CCDC27: variants seen among roughly 807,000 people sequenced by gnomAD.
CCDC27 encodes coiled-coil domain-containing protein 27.
In CCDC27, 80 loss-of-function variants were observed where a neutral mutation model predicts 80.3. The observed-to-expected ratio is 1.00, with a 90% CI of 0.83 to 1.20. The LOEUF (loss-of-function observed/expected upper bound fraction) is 1.20. CCDC27 is among the 50% of genes most tolerant of loss of function. CCDC27 has a pLI of 0.00. For synonymous variants in CCDC27, 342 were observed against 334.3 expected (o/e 1.02, Z -0.25); for missense variants, 815 against 809.4 (o/e 1.01, Z -0.08).
At chr1:3,756,619 C>A in intron 3 of CCDC27, 114 bp from the exon 4 acceptor site, 2 of 1,089,058 alleles carry the variant, frequency 1.8e-6, no homozygotes, top group Non-Finnish European at 2.7e-6. Context: ...TCTGTCTGGG[C>A]AGATAGGGGT....
In CCDC27 at chr1:3,766,503, T is replaced by C; in HGVS notation, c.1453-32T>C. ...TCAGTCTGTTATCTAAACCTGGGAG[T>C]CCCCCAAGCCAACCCTTCTGTCTCC... On this transcript the variant is annotated intron_variant, in intron 8 of 11. Transcript: ENST00000294600. This position sits in a 1 kb window ranked among gnomAD's most constrained non-coding sequence, Gnocchi z 6.1. 6.6e-7 allele frequency: 1 copy of C among 1,523,330 alleles called. No homozygotes were observed. The highest frequency in any genetic ancestry group is 9.0e-7 in the Non-Finnish European group (1 of 1,107,458). 94.4% of individuals were successfully genotyped at this position (1,523,330 alleles called of 1,614,324 possible).
rs1001072502 is a variant in CCDC27 at position 3,755,457 on chromosome 1, G to T, written c.443G>T (p.Gly148Val). ...STRATSMSHC[G>V]SPTEADLSGE... ...AGATGGCATCTTTAACACTCTACAG[G>T]TTCACCCACTGAGGCCGATTTGTCC... Residue 148 changes from glycine to valine, a missense_variant and splice_region_variant, in exon 3 of 12, where the codon GGT becomes GTT. Physicochemically the swap from Gly to Val is moderately radical, Grantham distance 109. Coordinates refer to ENST00000294600, the MANE Select transcript of CCDC27 (RefSeq NM_152492.3). 3 of 1,613,672 alleles carry T rather than the reference G, an allele frequency of 1.9e-6. No homozygotes were observed. In the African/African-American group the frequency reaches 4.0e-5, roughly 22 times the overall value.
intron 3 of CCDC27, chr1:3,755,878 C>G (rs375439170): frequency 3.2e-6 from 1 of 316,594 alleles, no homozygotes; most frequent in Non-Finnish European, 6.1e-6. Flanking sequence ...AGAGACCCCC[C>G]GGGACACTGC....
In CCDC27 at chr1:3,761,568, A is replaced by G. The variant is rs1377493702; in HGVS notation, c.861+138A>G. 2 of 1,005,070 alleles carry G rather than the reference A, an allele frequency of 2.0e-6. No homozygotes were observed. The highest frequency in any genetic ancestry group is 2.8e-6 in the Non-Finnish European group (2 of 702,028). 62.3% of individuals were successfully genotyped at this position (1,005,070 alleles called of 1,614,324 possible). ...CTATCAGGTCCTCACTGGAACGTGG[A>G]CCGGTTCTCAGGGTTCTGATCAACA... On this transcript the variant is annotated intron_variant, in intron 5 of 11. Transcript: ENST00000294600. This position sits in a 1 kb window ranked among gnomAD's most constrained non-coding sequence, Gnocchi z 5.0.
At chr1:3,756,355 AAAAG>A (rs1642952466) in intron 3 of CCDC27, 1 of 160,526 alleles carries the variant, frequency 6.2e-6, no homozygotes, top group Non-Finnish European at 1.4e-5. Context: ...GAAAAAAAAA[AAAAG>A]AGAGATGGGA....
rs1643360609 is a variant in CCDC27, at chr1:3,771,427, C to T, written c.1875C>T (p.Tyr625=). 1 of 1,614,084 alleles carries T rather than the reference C, an allele frequency of 6.2e-7. No individual in the cohort carries two copies. The highest frequency in any genetic ancestry group is 8.5e-7 in the Non-Finnish European group (1 of 1,179,996). The change falls in exon 12 of 12, where the codon TAC becomes TAT. Residue 625 remains tyrosine, a synonymous_variant. Transcript: ENST00000294600. The part of the protein sequence containing the change: ...LQRIISERSD[Y]YNQLKQKGVK... ...GAATTATCTCAGAGAGAAGCGACTA[C>T]TATAATCAGCTGAAGCAGAAAGGCG... is the stretch of plus-strand genomic sequence containing the variant.
rs571918762 is a variant in CCDC27 at position 3,755,557 on chromosome 1, G to A, written c.543G>A (p.Thr181=). 14 of 1,613,664 alleles carry A rather than the reference G, an allele frequency of 8.7e-6. No homozygotes were observed. In the East Asian group the frequency reaches 8.9e-5, roughly 10 times the overall value. The change falls in exon 3 of 12, where the codon ACG becomes ACA. Residue 181 remains threonine, a synonymous_variant. Transcript: ENST00000294600. ...DLFLARRGSD[T]NVDGYLLPFS... ...TCTTGGCCAGGCGGGGCTCAGACACGAACGTGGACGGTGAGGGAGCCCCTA... is the reference window on the plus strand; with the variant it reads ...TCTTGGCCAGGCGGGGCTCAGACACAAACGTGGACGGTGAGGGAGCCCCTA...
In CCDC27 at chr1:3,769,742, T is replaced by C; in HGVS notation, c.1744-41T>C. On this transcript the variant is annotated intron_variant, in intron 10 of 11. Transcript: ENST00000294600. The surrounding 1 kb of genome is among the most constrained non-coding windows in gnomAD (Gnocchi z 4.6). ...TGCAGCCCACTGGCCAGGTGCCTTCTTGGGTAAAGGCGAATGATAGTGTTG... is the reference window on the plus strand; with the variant it reads ...TGCAGCCCACTGGCCAGGTGCCTTCCTGGGTAAAGGCGAATGATAGTGTTG... The C allele has an allele frequency of 6.7e-7, 1 of 1,484,134 alleles. No individual in the cohort carries two copies. The highest frequency in any genetic ancestry group is 9.4e-7 in the Non-Finnish European group (1 of 1,061,570). The allele number at this position is 1,484,134 out of a possible 1,614,324, so 91.9% of individuals were successfully genotyped here. A position where few individuals can be genotyped will look rare whatever the true frequency, so the allele number is the denominator to read the frequency against.
chr1:3,756,906 G>T lies in CCDC27; in HGVS notation c.711+16G>T, dbSNP rs1173144789. On this transcript the variant is annotated intron_variant, in intron 4 of 11. Transcript: ENST00000294600. ...CCACGAGAAGGTACTGGCGGAGGGG[G>T]TGCAAATCCCGGCCCCCCACCCCTC... 1 of 1,603,244 alleles carries T rather than the reference G, an allele frequency of 6.2e-7. No homozygotes were observed. The highest frequency in any genetic ancestry group is 1.1e-5 in the South Asian group (1 of 90,360).
chr1:3,755,899 A>G (rs955029516), intron 3 of CCDC27: 4 of 267,962 alleles, frequency 1.5e-5, no homozygotes, highest in Non-Finnish European at 3.0e-5. Context: ...TCCCGCAGAC[A>G]GGTGTGCCTG....
intron 2 of CCDC27, among the ~76,000 whole-genome samples, 182 bp from the exon 3 acceptor site, chr1:3,755,275 C>G (rs997706469): frequency 6.6e-6 from 1 of 152,186 alleles, no homozygotes; most frequent in Admixed American, 6.5e-5. Flanking sequence ...GGTGGAGACA[C>G]CAGGGCAGGC....
chr1:3,771,472 A>G lies in CCDC27; in HGVS notation c.1920A>G (p.Gln640=), dbSNP rs1391932761. ...KQKGVKVPPL[Q]QSEAFLTSKS... is the part of the protein sequence containing the mutation. ...AAGGCGTCAAAGTGCCCCCCCTGCA[A>G]CAGTCAGAGGCCTTCCTGACCAGCA... is the stretch of plus-strand genomic sequence containing the variant. The change falls in exon 12 of 12, where the codon CAA becomes CAG. Residue 640 remains glutamine, a synonymous_variant. Transcript: ENST00000294600. 1 of 1,613,876 alleles carries G rather than the reference A, an allele frequency of 6.2e-7. No homozygotes were observed. Among genetic ancestry groups the G allele is most frequent in the African/African-American group, 1.3e-5 (1 of 74,902 alleles).
intron 3 of CCDC27, chr1:3,755,979 G>A (rs1400955972): frequency 5.1e-6 from 1 of 194,652 alleles, no homozygotes; most frequent in Non-Finnish European, 1.1e-5. Flanking sequence ...GAAACCTAGA[G>A]TCTGTAGTGA....
rs1643161645 is a variant in CCDC27, at chr1:3,763,910, G to A, written c.1452+74G>A. 6.4e-7 allele frequency: 1 copy of A among 1,561,428 alleles called. No homozygotes were observed. The highest frequency in any genetic ancestry group is 8.7e-7 in the Non-Finnish European group (1 of 1,150,824). Reference sequence around the variant, plus strand: ...GGCTTCATTAACCCCCGGCAGCTCGGGGCAGGCGCTGCCCGTCCCATCTAC... The same window carrying A: ...GGCTTCATTAACCCCCGGCAGCTCGAGGCAGGCGCTGCCCGTCCCATCTAC... On this transcript the variant is annotated intron_variant, in intron 8 of 11. Coordinates refer to ENST00000294600, the MANE Select transcript of CCDC27 (RefSeq NM_152492.3). This position sits in a 1 kb window ranked among gnomAD's most constrained non-coding sequence, Gnocchi z 7.5.
rs746514560 is a variant in CCDC27 at position 3,763,340 on chromosome 1, C to T, written c.1187C>T (p.Pro396Leu). 6 of 1,612,786 alleles carry T rather than the reference C, an allele frequency of 3.7e-6. No homozygotes were observed. In the Admixed American group the frequency reaches 5.0e-5, roughly 13 times the overall value. The change falls in exon 7 of 12, where the codon CCC (proline) becomes CTC (leucine). Residue 396 changes from proline to leucine, a missense_variant. Pro to Leu is a moderately conservative substitution (Grantham distance 98). Coordinates refer to ENST00000294600, the MANE Select transcript of CCDC27 (RefSeq NM_152492.3). The surrounding 1 kb of genome is among the most constrained non-coding windows in gnomAD (Gnocchi z 7.5). Reference protein sequence around the residue: ...ERELPEEEEIPRRRASSLAES... With the variant: ...ERELPEEEEILRRRASSLAES... ...GAGCTGCCGGAGGAAGAGGAGATCC[C>T]CAGGAGAAGGGCCTCCTCCCTGGCC... is the stretch of plus-strand genomic sequence containing the variant.
intron 5 of CCDC27, among the ~76,000 whole-genome samples, chr1:3,762,233 G>T (rs565046550): frequency 2.0e-5 from 3 of 152,158 alleles, no homozygotes; most frequent in African/African-American, 7.2e-5. Context: ...CACACAGGGC[G>T]GGGGCAGGGA....
chr1:3,755,397 G>A (rs1642926203), intron 2 of CCDC27, 60 bp from the exon 3 acceptor site: 2 of 1,390,168 alleles, frequency 1.4e-6, no homozygotes, highest in Admixed American at 1.7e-5. Context: ...AGTCTGCCCT[G>A]GAGATCTTGG....
At chr1:3,771,092 G>C (rs549001702) in intron 11 of CCDC27, among the ~76,000 whole-genome samples, 3 of 152,292 alleles carry the variant, frequency 2.0e-5, no homozygotes, top group Non-Finnish European at 4.4e-5. Context: ...AGGCTTCTGC[G>C]GGCTGGTGGT....
chr1:3,761,276 C>T lies in CCDC27; in HGVS notation c.712-5C>T. 1 of 1,613,214 alleles carries T rather than the reference C, an allele frequency of 6.2e-7. No homozygotes were observed. Among genetic ancestry groups the T allele is most frequent in the Non-Finnish European group, 8.5e-7 (1 of 1,179,570 alleles). On this transcript the variant is annotated splice_polypyrimidine_tract_variant and splice_region_variant and intron_variant, in intron 4 of 11. Transcript: ENST00000294600. The surrounding 1 kb of genome is among the most constrained non-coding windows in gnomAD (Gnocchi z 5.0). ...CACGGGGGCTGCCCTTGGTTTTCTG[C>T]CCAGGATCACTGCCTGTCTGAGCTG...
Sources: allele counts gnomAD v4.1 joint callset (sites outside exome capture counted in the v4.1 genomes callset), GRCh38; gene constraint gnomAD v4.1.1; non-coding constraint Gnocchi (gnomAD v3.1); transcripts MANE v1.5; gene names NCBI Gene and HGNC (gene_info 2026-07-23, HGNC 2026-07-21).